ERBIN: variants seen among roughly 807,000 people sequenced by gnomAD.
ERBIN encodes the protein erbb2 interacting protein.
In ERBIN, 60 loss-of-function variants were observed where a neutral mutation model predicts 158.4. The ratio of observed to expected loss-of-function variants is 0.38; its 90% confidence interval spans 0.31 to 0.47. ERBIN has a LOEUF of 0.47. Among genes scored for constraint, ERBIN ranks in the 20% least tolerant of loss-of-function variants. The pLI is 0.99. For synonymous variants in ERBIN, 594 were observed against 557.2 expected (o/e 1.07, Z -0.93); for missense variants, 1,610 against 1,648.0 (o/e 0.98, Z 0.40).
intron 14 of ERBIN, among the ~76,000 whole-genome samples, chr5:66,033,055 C>T (rs1382672670): frequency 6.6e-6 from 1 of 152,176 alleles, no homozygotes; most frequent in African/African-American, 2.4e-5. Flanking sequence ...CTCCTGACTT[C>T]ATTTTCTTCT....
intron 1 of ERBIN, among the ~76,000 whole-genome samples, chr5:65,940,986 G>A (rs888089848): frequency 1.3e-5 from 2 of 152,134 alleles, no homozygotes; most frequent in Non-Finnish European, 2.9e-5. Context: ...AAATTCTTCT[G>A]CCTTGTGATC....
At chr5:65,951,340 C>A (rs1746481475) in intron 1 of ERBIN, among the ~76,000 whole-genome samples, 1 of 152,154 alleles carries the variant, frequency 6.6e-6, no homozygotes, top group Admixed American at 6.5e-5. Flanking sequence ...TTGTTCTCTA[C>A]CTCATTACCT....
rs867039138 is a variant in ERBIN, at chr5:65,976,722, C to A, written c.-57-11913C>A. ...GATTAGGGAGTGGTGATGACTCTTA[C>A]GGAGCATGCTGCCTTCAAGCATCTG... On this transcript the variant is annotated intron_variant, in intron 1 of 25. Transcript: ENST00000284037. 4.6e-3 allele frequency among the ~76,000 whole-genome samples: 689 copies of A among 150,974 alleles called. 5 individuals are homozygous for A. The highest frequency in any genetic ancestry group is 0.017 in the Middle Eastern group (5 of 294).
At chr5:65,950,685 A>G (rs1365085359) in intron 1 of ERBIN, among the ~76,000 whole-genome samples, 1 of 152,210 alleles carries the variant, frequency 6.6e-6, no homozygotes, top group Non-Finnish European at 1.5e-5. Flanking sequence ...AGAAGTACCA[A>G]ATAATTTGCA....
At chr5:66,036,710 A>T (rs1757432310) in intron 14 of ERBIN, among the ~76,000 whole-genome samples, 1 of 152,228 alleles carries the variant, frequency 6.6e-6, no homozygotes, top group South Asian at 2.1e-4. Flanking sequence ...AGGACCTGTC[A>T]TAGTGCTTTG....
intron 7 of ERBIN, among the ~76,000 whole-genome samples, chr5:66,015,683 A>T (rs1343087303): frequency 6.6e-6 from 1 of 152,128 alleles, no homozygotes; most frequent in African/African-American, 2.4e-5. Context: ...TAGAAAATTA[A>T]AAAATTAGCC....
intron 1 of ERBIN, among the ~76,000 whole-genome samples, chr5:65,929,442 G>A (rs1743079777): frequency 6.6e-6 from 1 of 152,132 alleles, no homozygotes; most frequent in African/African-American, 2.4e-5. Context: ...TAGTGATGCT[G>A]GGTAGCAGTT....
intron 16 of ERBIN, 63 bp from the exon 17 acceptor site, chr5:66,044,074 T>C: frequency 8.0e-6 from 10 of 1,247,510 alleles, no homozygotes; most frequent in Non-Finnish European, 1.1e-5. Flanking sequence ...ACAGATTAAA[T>C]TTTGTTTGAG....
chr5:66,057,176 C>T (rs943554332), intron 21 of ERBIN, among the ~76,000 whole-genome samples: 1 of 152,172 alleles, frequency 6.6e-6, no homozygotes, highest in Non-Finnish European at 1.5e-5. Context: ...CGAATCCTAG[C>T]TGTGCTGCTC....
At position 66,026,382 on chromosome 5, in the gene ERBIN, G is replaced by A; in HGVS notation, c.1101G>A (p.Met367Ile). The change falls in exon 13 of 26, where the codon ATG (methionine) becomes ATA (isoleucine). Residue 367 changes from methionine (M) to isoleucine (I), a missense_variant. Transcript: ENST00000284037. ...CACTTCCAGAGGAAATGGGTGATATGCAAAAATTAAAAGTCATTAATTTAA... is the reference window on the plus strand; with the variant it reads ...CACTTCCAGAGGAAATGGGTGATATACAAAAATTAAAAGTCATTAATTTAA... ...LETLPEEMGD[M>I]QKLKVINLSD... 2 of 1,599,438 alleles carry A rather than the reference G, an allele frequency of 1.3e-6. No individual in the cohort carries two copies. The highest frequency in any genetic ancestry group is 1.7e-6 in the Non-Finnish European group (2 of 1,172,912).
chr5:66,068,915 T>C (rs1369954932), intron 21 of ERBIN: 1 of 1,535,866 alleles, frequency 6.5e-7, no homozygotes, highest in Non-Finnish European at 8.7e-7. Flanking sequence ...ATTTTACTAC[T>C]GTAAGCAGTT....
At chr5:65,992,030 C>G (rs1751922424) in intron 2 of ERBIN, among the ~76,000 whole-genome samples, 1 of 152,158 alleles carries the variant, frequency 6.6e-6, no homozygotes, top group African/African-American at 2.4e-5. Flanking sequence ...CAAAACTGCA[C>G]TTAATCATGT....
intron 4 of ERBIN, among the ~76,000 whole-genome samples, chr5:66,004,373 TGTGTGCGTGTGTGTGTGCGCGCGCGTGC>T (rs921343623): frequency 6.6e-6 from 1 of 151,002 alleles, no homozygotes; most frequent in African/African-American, 2.5e-5. Flanking sequence ...ATTCAGTCTG[TGTGTGCGTGTGTGTGTGCGCGCGCGTGC>T]GTGTGTGTAT....
chr5:66,037,141 A>C (rs1391544290), intron 14 of ERBIN, among the ~76,000 whole-genome samples: 1 of 152,118 alleles, frequency 6.6e-6, no homozygotes, highest in Non-Finnish European at 1.5e-5. Context: ...CTTCTCACAA[A>C]TTGTTCATCT....
intron 21 of ERBIN, among the ~76,000 whole-genome samples, chr5:66,069,918 G>C (rs181370017): frequency 7.9e-5 from 12 of 152,200 alleles, no homozygotes; most frequent in Non-Finnish European, 1.2e-4. Context: ...GATTCTCTTG[G>C]CTCTGGCTGT....
rs1376065360 is a variant in ERBIN, at chr5:65,971,977, C to T, written c.-57-16658C>T. Among the ~76,000 whole-genome samples the T allele has an allele frequency of 2.6e-5, 4 of 152,174 alleles. No individual in the cohort carries two copies. The South Asian group carries it at 6.2e-4, about 24-fold the overall frequency. ...TTCTATGTTGTGCAGGTTGCTTATT[C>T]CACATGCTGCTTGCCAAGCTGTATG... On this transcript the variant is annotated intron_variant, in intron 1 of 25. Transcript: ENST00000284037.
intron 1 of ERBIN, among the ~76,000 whole-genome samples, chr5:65,984,375 C>T (rs940002317): frequency 5.3e-5 from 8 of 152,212 alleles, no homozygotes; most frequent in African/African-American, 1.9e-4. Context: ...GTGCACTGGG[C>T]CCGTTTCCCC....
intron 2 of ERBIN, among the ~76,000 whole-genome samples, chr5:65,990,853 C>T (rs548041618): frequency 5.7e-4 from 86 of 151,716 alleles, no homozygotes; most frequent in African/African-American, 1.6e-3. Context: ...CTCTGCCTCC[C>T]GGGTTCAAGC....
In ERBIN at chr5:66,072,229, C is replaced by G. The variant is rs1236823317; in HGVS notation, c.3694C>G (p.Gln1232Glu). 6.4e-7 allele frequency: 1 copy of G among 1,550,460 alleles called. No individual in the cohort carries two copies. Among genetic ancestry groups the G allele is most frequent in the Non-Finnish European group, 8.7e-7 (1 of 1,146,898 alleles). Residue 1232 changes from glutamine (Q) to glutamate (E), a missense_variant, in exon 22 of 26, where the codon CAG (glutamine) becomes GAG (glutamate). By Grantham distance (29) the Gln-to-Glu change is conservative. Transcript: ENST00000284037. ...PCQDGIFISG[Q>E]QNYSSATLSH... is the part of the protein sequence containing the mutation. ...TCAAGATGGTATATTCATTTCAGGA[C>G]AGCAGAACTACTCATCAGCCACACT...
Sources: gnomAD v4.1 joint callset for allele counts (sites outside exome capture counted in the v4.1 genomes callset) on GRCh38, gnomAD v4.1.1 for gene constraint, MANE v1.5 for transcripts, NCBI Gene and HGNC (gene_info 2026-07-23, HGNC 2026-07-21) for gene names.